ZFC3H1: variants seen among roughly 807,000 people sequenced by gnomAD.
ZFC3H1 encodes the protein zinc finger C3H1-type containing, also known as zinc finger C3H1 domain-containing protein.
Under a neutral mutation model 243.7 loss-of-function variants are expected in ZFC3H1, and 71 were observed. The ratio of observed to expected loss-of-function variants is 0.29; its 90% confidence interval spans 0.24 to 0.36. The LOEUF (loss-of-function observed/expected upper bound fraction) is 0.36. Among genes scored for constraint, ZFC3H1 ranks in the 10% least tolerant of loss-of-function variants. The pLI, the probability that ZFC3H1 is intolerant of heterozygous loss-of-function variation, is 1.00. For synonymous variants in ZFC3H1, 838 were observed against 813.0 expected (o/e 1.03, Z -0.52); for missense variants, 1,966 against 2,317.1 (o/e 0.85, Z 3.11).
chr12:71,610,891 G>A lies in ZFC3H1; in HGVS notation c.5770-134C>T, dbSNP rs1879751072. On this transcript the variant is annotated intron_variant, in intron 33 of 34. Transcript: ENST00000378743. ...GGTTATGCTGAGTTTTGGAGTTTCC[G>A]AATATTTGGTACTCTTAAAATGTTA... is the stretch of plus-strand genomic sequence containing the variant. 14 of 1,408,762 alleles carry A rather than the reference G, an allele frequency of 9.9e-6. No homozygotes were observed. The East Asian group carries it at 1.4e-4, about 14-fold the overall frequency. 87.3% of individuals were successfully genotyped at this position (1,408,762 alleles called of 1,614,324 possible).
chr12:71,663,642 C>G lies in ZFC3H1; in HGVS notation c.-32G>C. ...AGCAGCGCCTTCCACACAACCTTAG[C>G]CCTCCGTCCGGGGATCCGCCCGACA... On this transcript the variant is annotated 5_prime_UTR_variant, in exon 1 of 35. Coordinates refer to ENST00000378743, the MANE Select transcript of ZFC3H1 (RefSeq NM_144982.5). The G allele has an allele frequency of 6.3e-7, 1 of 1,586,442 alleles. No homozygotes were observed. Among genetic ancestry groups the G allele is most frequent in the Non-Finnish European group, 8.6e-7 (1 of 1,168,680 alleles).
At position 71,633,458 on chromosome 12, in the gene ZFC3H1, A is replaced by G; in HGVS notation, c.2511-20T>C. ...AGAATCCTAAATGAGAAATAACAAAATTCTTGTTAATGTTTCCCTACAAGA... is the reference window on the plus strand; with the variant it reads ...AGAATCCTAAATGAGAAATAACAAAGTTCTTGTTAATGTTTCCCTACAAGA... On this transcript the variant is annotated intron_variant, in intron 12 of 34. Transcript: ENST00000378743. The G allele has an allele frequency of 6.6e-7, 1 of 1,522,666 alleles. No homozygotes were observed. The highest frequency in any genetic ancestry group is 8.8e-7 in the Non-Finnish European group (1 of 1,136,566). 94.3% of individuals were successfully genotyped at this position (1,522,666 alleles called of 1,614,324 possible).
Position 71,619,207 on chromosome 12 carries a change from T to C in ZFC3H1, c.5144+108A>G, listed in dbSNP as rs1879964636. 6 of 875,236 alleles carry C rather than the reference T, an allele frequency of 6.9e-6. No individual in the cohort carries two copies. The South Asian group carries it at 1.2e-4, about 17-fold the overall frequency. The allele number at this position is 875,236 out of a possible 1,614,324, so 54.2% of individuals were successfully genotyped here. On this transcript the variant is annotated intron_variant, in intron 27 of 34. Coordinates refer to ENST00000378743, the MANE Select transcript of ZFC3H1 (RefSeq NM_144982.5). Reference sequence around the variant, plus strand: ...GTATTCTGTTAAGTGGGTATTCAAGTACTAAAAAGTCAGTCTAAAATGTCA... The same window carrying C: ...GTATTCTGTTAAGTGGGTATTCAAGCACTAAAAAGTCAGTCTAAAATGTCA...
chr12:71,612,636 T>C (rs1035298607), intron 31 of ZFC3H1, among the ~76,000 whole-genome samples: 3 of 152,146 alleles, frequency 2.0e-5, no homozygotes, highest in Non-Finnish European at 4.4e-5. Flanking sequence ...CTTTAAAACA[T>C]AAGGGAACAT....
At chr12:71,646,422 C>G (rs1277081774) in intron 3 of ZFC3H1, among the ~76,000 whole-genome samples, 1 of 152,136 alleles carries the variant, frequency 6.6e-6, no homozygotes, top group Non-Finnish European at 1.5e-5. Flanking sequence ...AAATTTGTAC[C>G]TAAGCCACAC....
At chr12:71,632,820 T>C in intron 14 of ZFC3H1, 66 bp downstream of exon 14, 1 of 1,581,804 alleles carries the variant, frequency 6.3e-7, no homozygotes, top group Non-Finnish European at 8.6e-7. Flanking sequence ...ATATACATCT[T>C]ACCCTTAAAA....
intron 9 of ZFC3H1, 115 bp from the exon 10 acceptor site, chr12:71,635,695 G>C: frequency 9.9e-7 from 1 of 1,014,870 alleles, no homozygotes; most frequent in Non-Finnish European, 1.4e-6. Context: ...GCTCCTTCTA[G>C]GGTTGTATTA....
chr12:71,619,852 C>A, intron 26 of ZFC3H1, 74 bp downstream of exon 26: 1 of 1,369,540 alleles, frequency 7.3e-7, no homozygotes, highest in Admixed American at 2.2e-5. Context: ...GACCAGGAAA[C>A]ACTTCCTGGT....
Position 71,633,244 on chromosome 12 carries a change from C to A in ZFC3H1, c.2685+20G>T, listed in dbSNP as rs777860898. 4 of 1,559,860 alleles carry A rather than the reference C, an allele frequency of 2.6e-6. No homozygotes were observed. The highest frequency in any genetic ancestry group is 3.5e-6 in the Non-Finnish European group (4 of 1,158,954). ...AAAATGTGTAGTAAACAGGAGACTA[C>A]AGTATTTTAAAATAATTACTTGTTC... On this transcript the variant is annotated intron_variant, in intron 13 of 34. Transcript: ENST00000378743.
intron 27 of ZFC3H1, among the ~76,000 whole-genome samples, chr12:71,616,661 T>C (rs955760866): frequency 3.9e-5 from 6 of 152,218 alleles, no homozygotes; most frequent in South Asian, 2.1e-4. Context: ...AGGAAATACA[T>C]TGATCGCAAA....
chr12:71,613,545 A>AT (rs1165390114), intron 30 of ZFC3H1, 110 bp from the exon 31 acceptor site: 4 of 609,568 alleles, frequency 6.6e-6, no homozygotes, highest in Non-Finnish European at 1.1e-5. Flanking sequence ...GAATGTATAA[A>AT]TTATAATAAT....
At chr12:71,620,538 G>C (rs1277291767) in intron 24 of ZFC3H1, among the ~76,000 whole-genome samples, 1 of 151,946 alleles carries the variant, frequency 6.6e-6, no homozygotes, top group Non-Finnish European at 1.5e-5. Flanking sequence ...CAACTTTCCT[G>C]GTAAGAATAA....
intron 6 of ZFC3H1, 113 bp downstream of exon 6, chr12:71,642,323 C>T (rs1449825703): frequency 8.3e-7 from 1 of 1,206,066 alleles, no homozygotes; most frequent in Non-Finnish European, 1.1e-6. Flanking sequence ...CCATACAGTT[C>T]ATCAGCAAAT....
In ZFC3H1 at chr12:71,656,997, T is replaced by C. The variant is rs865887818; in HGVS notation, c.903A>G (p.Leu301=). The C allele has an allele frequency of 6.2e-7, 1 of 1,613,946 alleles. No individual in the cohort carries two copies. Among genetic ancestry groups the C allele is most frequent in the Middle Eastern group, 1.7e-4 (1 of 6,058 alleles). The part of the protein sequence containing the change: ...TQVKTFQAFE[L]KPLRQKLTLP... Reference sequence around the variant, plus strand: ...AAGTCAATTTTTGCCTGAGTGGTTTTAATTCAAATGCCTGAAAAGTTTTGA... The same window carrying C: ...AAGTCAATTTTTGCCTGAGTGGTTTCAATTCAAATGCCTGAAAAGTTTTGA... The change falls in exon 2 of 35, where the codon TTA becomes TTG. Residue 301 remains leucine, a synonymous_variant. Coordinates refer to ENST00000378743, the MANE Select transcript of ZFC3H1 (RefSeq NM_144982.5).
At chr12:71,612,165 C>T (rs1345696250) in intron 31 of ZFC3H1, among the ~76,000 whole-genome samples, 2 of 151,540 alleles carry the variant, frequency 1.3e-5, no homozygotes, top group African/African-American at 2.4e-5. Flanking sequence ...AATAACAGTC[C>T]CTGTTTCCCA....
intron 32 of ZFC3H1, chr12:71,611,336 C>A: frequency 3.5e-6 from 1 of 285,576 alleles, no homozygotes; most frequent in Non-Finnish European, 6.3e-6. Context: ...ACATAAATAA[C>A]GTTCACAGGA....
At chr12:71,611,673 AAAAATAT>A (rs1879775314) in intron 32 of ZFC3H1, 106 bp downstream of exon 32, 2 of 178,158 alleles carry the variant, frequency 1.1e-5, no homozygotes, top group Non-Finnish European at 1.1e-5. Flanking sequence ...AAAAAAAAAA[AAAAATAT>A]ATATATATAT....
chr12:71,610,396 T>C lies in ZFC3H1; in HGVS notation c.*32A>G. 6.3e-7 allele frequency: 1 copy of C among 1,596,708 alleles called. No homozygotes were observed. The highest frequency in any genetic ancestry group is 8.5e-7 in the Non-Finnish European group (1 of 1,173,400). ...TCATTCAAATAATTTTGGCAATTAT[T>C]ATAAGGACTTAGAACTGACTGCACC... is the stretch of plus-strand genomic sequence containing the variant. On this transcript the variant is annotated 3_prime_UTR_variant, in exon 35 of 35. Coordinates refer to ENST00000378743, the MANE Select transcript of ZFC3H1 (RefSeq NM_144982.5).
At chr12:71,645,617 TAG>T (rs1262812100) in intron 3 of ZFC3H1, among the ~76,000 whole-genome samples, 1 of 152,190 alleles carries the variant, frequency 6.6e-6, no homozygotes, top group East Asian at 1.9e-4. Context: ...GAAAAATCTA[TAG>T]AGATTTGCTT....
Sources: allele counts gnomAD v4.1 joint callset (sites outside exome capture counted in the v4.1 genomes callset), GRCh38; gene constraint gnomAD v4.1.1; transcripts MANE v1.5; gene names NCBI Gene and HGNC (gene_info 2026-07-23, HGNC 2026-07-21).